MLLT3: variants seen among roughly 807,000 people sequenced by gnomAD.
MLLT3 encodes protein AF-9.
In MLLT3, 4 loss-of-function variants were observed where a neutral mutation model predicts 53.2. The ratio of observed to expected loss-of-function variants is 0.08; its 90% CI spans 0.04 to 0.17. MLLT3 has a LOEUF of 0.17. MLLT3 is among the 10% of genes least tolerant of loss of function. The probability of loss-of-function intolerance (pLI) is 1.00; values close to 1 mark genes in which losing one functional copy is unlikely to be tolerated. For synonymous variants in MLLT3, 283 were observed against 230.6 expected, an observed-to-expected ratio of 1.23 and a Z score of -2.06; for missense variants, 569 against 684.0, an observed-to-expected ratio of 0.83 and a Z score of 1.87.
At chr9:20,572,916 C>T (rs1448028144) in intron 2 of MLLT3, among the ~76,000 whole-genome samples, 1 of 152,082 alleles carries the variant, frequency 6.6e-6, no homozygotes, top group Non-Finnish European at 1.5e-5. Context: ...AATTAGAAAA[C>T]CTCTCCTTGC....
intron 2 of MLLT3, among the ~76,000 whole-genome samples, chr9:20,594,281 T>C (rs1471644663): frequency 6.6e-6 from 1 of 152,146 alleles, no homozygotes; most frequent in Non-Finnish European, 1.5e-5. Flanking sequence ...CTTCTAGATA[T>C]CACCTTTCGT....
chr9:20,554,364 G>C (rs1170274100), intron 2 of MLLT3, among the ~76,000 whole-genome samples: 6 of 152,220 alleles, frequency 3.9e-5, no homozygotes, highest in East Asian at 1.9e-4. Flanking sequence ...TTACAAGTTT[G>C]GCTACTCAGT....
rs142614644 is a variant in MLLT3, at chr9:20,424,931, A to G, written c.421-10506T>C. Among the ~76,000 whole-genome samples the G allele has an allele frequency of 4.2e-3, 634 of 152,318 alleles. 4 individuals are homozygous for G. Among genetic ancestry groups the G allele is most frequent in the African/African-American group, 0.014 (587 of 41,582 alleles). ...GCTTTATAAATAACATGTATATGCA[A>G]TGTGGCCGGGCACAAAGCAGGAACT... On this transcript the variant is annotated intron_variant, in intron 4 of 10. Transcript: ENST00000380338.
chr9:20,613,727 G>C lies in MLLT3; in HGVS notation c.193+6927C>G, dbSNP rs367750972. On this transcript the variant is annotated intron_variant, in intron 2 of 10. Coordinates refer to ENST00000380338, the MANE Select transcript of MLLT3 (RefSeq NM_004529.4). ...TATAAATGCAAACCAAAATGAGGCA[G>C]TTTTTCCACACAGATTGGCAAAGAT... 2.0e-5 allele frequency among the ~76,000 whole-genome samples: 3 copies of C among 152,146 alleles called. No homozygotes were observed. In the East Asian group the frequency reaches 5.8e-4, roughly 29 times the overall value.
chr9:20,448,189 G>A lies in MLLT3; in HGVS notation c.354C>T (p.Arg118=), dbSNP rs1473657441. 2 of 1,613,608 alleles carry A rather than the reference G, an allele frequency of 1.2e-6. No individual in the cohort carries two copies. The highest frequency in any genetic ancestry group is 2.7e-5 in the African/African-American group (2 of 74,968). Residue 118 remains arginine, a synonymous_variant, in exon 4 of 11, where the codon CGC becomes CGT. Coordinates refer to ENST00000380338, the MANE Select transcript of MLLT3 (RefSeq NM_004529.4). The surrounding 1 kb of genome is among the most constrained non-coding windows in gnomAD (Gnocchi z 4.0). ...GGTTGTTGAAAGTTAGCTTTTCACAGCGGAGGTGATTCACTGGTGGATGGC... is the reference window on the plus strand; with the variant it reads ...GGTTGTTGAAAGTTAGCTTTTCACAACGGAGGTGATTCACTGGTGGATGGC... ...LEGHPPVNHL[R]CEKLTFNNPT... is the part of the protein sequence containing the mutation.
intron 5 of MLLT3, among the ~76,000 whole-genome samples, chr9:20,406,842 C>T (rs902834307): frequency 6.6e-6 from 1 of 152,174 alleles, no homozygotes; most frequent in Non-Finnish European, 1.5e-5. Flanking sequence ...TCCATATTAT[C>T]CTGCTTAATA....
chr9:20,413,986 A>G lies in MLLT3; in HGVS notation c.860T>C (p.Ile287Thr). The G allele has an allele frequency of 4.3e-6, 7 of 1,614,104 alleles. No homozygotes were observed. Among genetic ancestry groups the G allele is most frequent in the Non-Finnish European group, 5.9e-6 (7 of 1,180,012 alleles). ...DKKAPSKRPPISDSEELSAKK... is the reference protein window; with the variant it reads ...DKKAPSKRPPTSDSEELSAKK... ...GGCTGAGAGTTCTTCAGAATCTGAA[A>G]TGGGCGGCCTTTTACTAGGAGCCTT... is the stretch of plus-strand genomic sequence containing the variant. Residue 287 changes from isoleucine (I) to threonine (T), a missense_variant, in exon 5 of 11, where the codon ATT (isoleucine) becomes ACT (threonine). Around this residue, in one of 5 missense-constraint regions of MLLT3, gnomAD observed 437 missense variants for 376.5 expected, o/e 1.16. Transcript: ENST00000380338.
At chr9:20,604,916 G>A (rs1820524332) in intron 2 of MLLT3, among the ~76,000 whole-genome samples, 1 of 151,892 alleles carries the variant, frequency 6.6e-6, no homozygotes, top group African/African-American at 2.4e-5. Context: ...TTTTTTCTGT[G>A]TAGATAATCT....
At chr9:20,451,180 C>A (rs988663467) in intron 3 of MLLT3, among the ~76,000 whole-genome samples, 1 of 152,092 alleles carries the variant, frequency 6.6e-6, no homozygotes, top group South Asian at 2.1e-4. Flanking sequence ...CATGCCCCTG[C>A]CAATCTCTAC....
At chr9:20,394,088 T>G (rs934435875) in intron 5 of MLLT3, among the ~76,000 whole-genome samples, 1 of 152,134 alleles carries the variant, frequency 6.6e-6, no homozygotes, top group Non-Finnish European at 1.5e-5. Flanking sequence ...GGAAAATGAC[T>G]CATATGCAGT....
chr9:20,506,321 G>T (rs746487353), intron 2 of MLLT3, among the ~76,000 whole-genome samples: 1 of 152,130 alleles, frequency 6.6e-6, no homozygotes, highest in Non-Finnish European at 1.5e-5. Context: ...GATTACAGGC[G>T]TGAGCCACCG....
At position 20,482,194 on chromosome 9, in the gene MLLT3, G is replaced by C. The variant is rs533659784; in HGVS notation, c.194-25408C>G. ...AGTTTTGGACTAAGTTCCTGCATTA[G>C]ACCCAAACAAACCAGACCAAACCAA... On this transcript the variant is annotated intron_variant, in intron 2 of 10. Transcript: ENST00000380338. Among the ~76,000 whole-genome samples, 46 of 152,280 alleles carry C rather than the reference G, an allele frequency of 3.0e-4. No homozygotes were observed. The South Asian group carries it at 7.5e-3, about 25-fold the overall frequency.
intron 2 of MLLT3, among the ~76,000 whole-genome samples, chr9:20,492,351 G>A (rs1408139727): frequency 6.6e-6 from 1 of 151,924 alleles, no homozygotes; most frequent in Non-Finnish European, 1.5e-5. Flanking sequence ...AGAACTTACA[G>A]ATAGTTTTGG....
intron 2 of MLLT3, among the ~76,000 whole-genome samples, chr9:20,573,184 T>C (rs1819574927): frequency 1.6e-5 from 1 of 61,214 alleles, no homozygotes; most frequent in Admixed American, 1.3e-4. Context: ...TTTTTTTTTG[T>C]TTTGTTTTTT....
In MLLT3 at chr9:20,344,814, G is replaced by T. The variant is rs1820823977; in HGVS notation, c.*1629C>A. 1 of 210,048 alleles carries T rather than the reference G, an allele frequency of 4.8e-6. No homozygotes were observed. Among genetic ancestry groups the T allele is most frequent in the African/African-American group, 2.3e-5 (1 of 44,192 alleles). The allele number at this position is 210,048 out of a possible 1,614,324, so 13.0% of individuals were successfully genotyped here. ...GTCTGGAAAGACCATTTTCTGTACA[G>T]ACACTAGTTAATCTCTGTATGAAAA... On this transcript the variant is annotated 3_prime_UTR_variant, in exon 11 of 11. Transcript: ENST00000380338.
intron 2 of MLLT3, among the ~76,000 whole-genome samples, chr9:20,575,599 T>G (rs1325084622): frequency 2.0e-5 from 3 of 152,190 alleles, no homozygotes; most frequent in African/African-American, 7.2e-5. Context: ...TACAGTAATT[T>G]CCTCGTGTAT....
At chr9:20,508,191 G>T (rs911036959) in intron 2 of MLLT3, among the ~76,000 whole-genome samples, 2 of 152,078 alleles carry the variant, frequency 1.3e-5, no homozygotes, top group East Asian at 1.9e-4. Context: ...TCACAAAACT[G>T]CAGGTAAATG....
chr9:20,460,671 T>C (rs1287490004), intron 2 of MLLT3, among the ~76,000 whole-genome samples: 1 of 152,186 alleles, frequency 6.6e-6, no homozygotes, highest in Non-Finnish European at 1.5e-5. Context: ...TTGAGCCAAA[T>C]AATATGTACC....
rs976157239 is a variant in MLLT3 at position 20,621,042 on chromosome 9, C to A, written c.13-208G>T. The stretch of plus-strand genomic sequence containing the variant: ...CCGCCCGGCCCGGCTTGGCCCCAGG[C>A]GCCCCGGGCCCCGCATCTACATCGG... On this transcript the variant is annotated intron_variant, in intron 1 of 10. Coordinates refer to ENST00000380338, the MANE Select transcript of MLLT3 (RefSeq NM_004529.4). This position sits in a 1 kb window ranked among gnomAD's most constrained non-coding sequence, Gnocchi z 7.0. 6 of 699,084 alleles carry A rather than the reference C, an allele frequency of 8.6e-6. No homozygotes were observed. Among genetic ancestry groups the A allele is most frequent in the Non-Finnish European group, 1.3e-5 (5 of 389,322 alleles). The allele number at this position is 699,084 out of a possible 1,614,324, so 43.3% of individuals were successfully genotyped here.
Sources: allele counts gnomAD v4.1 joint callset (sites outside exome capture counted in the v4.1 genomes callset), GRCh38; gene constraint gnomAD v4.1.1; regional missense constraint gnomAD v4.1.1; non-coding constraint Gnocchi (gnomAD v3.1); transcripts MANE v1.5; gene names NCBI Gene and HGNC (gene_info 2026-07-23, HGNC 2026-07-21).